PKNOX2: variants seen among roughly 807,000 people sequenced by gnomAD.
The protein encoded by PKNOX2 is homeobox protein PKNOX2.
In PKNOX2, 14 loss-of-function variants were observed where a neutral mutation model predicts 53.1. That is an observed-to-expected ratio of 0.26 (90% confidence interval 0.17 to 0.41). The LOEUF is 0.41. Ranked by LOEUF, PKNOX2 falls within the 10% of genes least tolerant of loss-of-function variation. PKNOX2 has a pLI of 1.00. For missense variants in PKNOX2, 496 were observed against 602.8 expected, an observed-to-expected ratio of 0.82 and a Z score of 1.85; for synonymous variants, 257 against 242.8, an observed-to-expected ratio of 1.06 and a Z score of -0.54.
intron 1 of PKNOX2, among the ~76,000 whole-genome samples, chr11:125,231,906 G>A (rs949839695): frequency 3.3e-5 from 5 of 152,244 alleles, no homozygotes; most frequent in Non-Finnish European, 4.4e-5. Context: ...ATCAGCCTTC[G>A]AATGCTGTTC....
intron 2 of PKNOX2, among the ~76,000 whole-genome samples, chr11:125,274,781 A>C (rs1296114480): frequency 6.6e-6 from 1 of 152,210 alleles, no homozygotes; most frequent in East Asian, 1.9e-4. Context: ...GAATGTTGGA[A>C]TAAATGGGAA....
intron 6 of PKNOX2, among the ~76,000 whole-genome samples, chr11:125,395,147 G>A (rs528917475): frequency 7.2e-5 from 11 of 152,214 alleles, no homozygotes; most frequent in South Asian, 4.1e-4. Context: ...TTTCAAAAAC[G>A]TTTTGTAAAT....
Position 125,352,563 on chromosome 11 carries a change from GC to G in PKNOX2, c.87+1173del, listed in dbSNP as rs1565504059. 6.6e-6 allele frequency among the ~76,000 whole-genome samples: 1 copy of G among 152,208 alleles called. No individual in the cohort carries two copies. Among genetic ancestry groups the G allele is most frequent in the African/African-American group, 2.4e-5 (1 of 41,460 alleles). On this transcript the variant is annotated intron_variant, in intron 4 of 12. Transcript: ENST00000298282. The surrounding 1 kb of genome is among the most constrained non-coding windows in gnomAD (Gnocchi z 4.1). The stretch of plus-strand genomic sequence containing the variant: ...GCTCACTATGGCCCTGATGCCTCCA[GC>G]CTAGTGGGAGCATGTAGTAGCTGCT...
intron 2 of PKNOX2, among the ~76,000 whole-genome samples, chr11:125,302,329 C>A (rs990476624): frequency 2.6e-5 from 4 of 152,228 alleles, no homozygotes; most frequent in Non-Finnish European, 4.4e-5. Context: ...CACTGACCAG[C>A]CATGATCTGA....
At chr11:125,170,720 C>G (rs1254567415) in intron 1 of PKNOX2, among the ~76,000 whole-genome samples, 1 of 152,178 alleles carries the variant, frequency 6.6e-6, no homozygotes, top group Non-Finnish European at 1.5e-5. Flanking sequence ...ATAAGAAACC[C>G]TAAACCAGGC....
chr11:125,221,046 T>G (rs915668950), intron 1 of PKNOX2, among the ~76,000 whole-genome samples: 1 of 152,134 alleles, frequency 6.6e-6, no homozygotes, highest in South Asian at 2.1e-4. Context: ...TCCCAGCTAC[T>G]TGGGAGGCAG....
intron 1 of PKNOX2, among the ~76,000 whole-genome samples, chr11:125,189,355 TTA>T (rs35103348): frequency 5.7e-5 from 7 of 122,274 alleles, no homozygotes; most frequent in South Asian, 2.8e-4. Context: ...GAAATTCTAA[TTA>T]TATATATATA....
intron 1 of PKNOX2, among the ~76,000 whole-genome samples, chr11:125,179,332 T>C (rs975720108): frequency 2.6e-5 from 4 of 152,022 alleles, no homozygotes; most frequent in African/African-American, 9.7e-5. Flanking sequence ...ACATACGAGC[T>C]TTGAGGAGAA....
At position 125,200,150 on chromosome 11, in the gene PKNOX2, G is replaced by C. The variant is rs572112104; in HGVS notation, c.-200-34895G>C. Among the ~76,000 whole-genome samples, 157 of 152,298 alleles carry C rather than the reference G, an allele frequency of 1.0e-3. 1 individual carries two copies. Among genetic ancestry groups the C allele is most frequent in the African/African-American group, 3.7e-3 (152 of 41,562 alleles). On this transcript the variant is annotated intron_variant, in intron 1 of 12. Transcript: ENST00000298282. ...AGCCTGGCTGCTGGCCTTTCCCCCAGATGGTAACCGGAGCAGGGACCAGAG... is the reference window on the plus strand; with the variant it reads ...AGCCTGGCTGCTGGCCTTTCCCCCACATGGTAACCGGAGCAGGGACCAGAG...
intron 1 of PKNOX2, among the ~76,000 whole-genome samples, chr11:125,195,881 A>G (rs1937614154): frequency 8.7e-6 from 1 of 114,540 alleles, no homozygotes; most frequent in South Asian, 2.8e-4. Context: ...GAATATGTAC[A>G]TGCACACACA....
chr11:125,188,723 A>G (rs1956603737), intron 1 of PKNOX2, among the ~76,000 whole-genome samples: 1 of 152,306 alleles, frequency 6.6e-6, no homozygotes, highest in Middle Eastern at 3.4e-3. Context: ...CTGCAGCCAC[A>G]GGTACTTGGA....
At chr11:125,231,216 C>A (rs1942180081) in intron 1 of PKNOX2, among the ~76,000 whole-genome samples, 1 of 152,164 alleles carries the variant, frequency 6.6e-6, no homozygotes, top group African/African-American at 2.4e-5. Flanking sequence ...TTTGCTAAAC[C>A]CCCAGCTAAT....
chr11:125,309,957 A>T (rs12284594), intron 2 of PKNOX2, among the ~76,000 whole-genome samples: 63 of 152,072 alleles, frequency 4.1e-4, no homozygotes, highest in African/African-American at 1.5e-3. Flanking sequence ...GGAGACAATC[A>T]CTCACCTAGC....
intron 2 of PKNOX2, chr11:125,288,214 G>A (rs1591513730): frequency 6.6e-6 from 1 of 152,368 alleles, no homozygotes; most frequent in African/African-American, 2.4e-5. Flanking sequence ...GAAATTAGGA[G>A]GGGCCTTAGA....
intron 10 of PKNOX2, among the ~76,000 whole-genome samples, chr11:125,421,597 A>G (rs1430978617): frequency 1.3e-5 from 2 of 152,212 alleles, no homozygotes; most frequent in African/African-American, 4.8e-5. Flanking sequence ...GCTACCTATG[A>G]TGAATAGGAT....
chr11:125,254,167 T>G (rs916744998), intron 2 of PKNOX2, among the ~76,000 whole-genome samples: 4 of 152,222 alleles, frequency 2.6e-5, no homozygotes, highest in Non-Finnish European at 5.9e-5. Flanking sequence ...AGCAAAAATT[T>G]AGCACCAGGG....
intron 2 of PKNOX2, among the ~76,000 whole-genome samples, chr11:125,315,567 AC>A (rs749069064): frequency 5.5e-4 from 83 of 152,062 alleles, no homozygotes; most frequent in Non-Finnish European, 9.3e-4. Context: ...CCTTTGCTCA[AC>A]CCCACCCCAG....
intron 1 of PKNOX2, among the ~76,000 whole-genome samples, chr11:125,172,445 C>G (rs570009424): frequency 2.0e-5 from 3 of 152,280 alleles, no homozygotes; most frequent in Admixed American, 6.5e-5. Context: ...GGCCCACATC[C>G]AGCCCTCTTC....
intron 1 of PKNOX2, among the ~76,000 whole-genome samples, chr11:125,198,156 C>T (rs1459302723): frequency 6.6e-6 from 1 of 152,212 alleles, no homozygotes; most frequent in African/African-American, 2.4e-5. Flanking sequence ...CTCACATCTA[C>T]TGACCAGAAA....
Sources: gnomAD v4.1 joint callset for allele counts (sites outside exome capture counted in the v4.1 genomes callset) on GRCh38, gnomAD v4.1.1 for gene constraint, Gnocchi (gnomAD v3.1) non-coding constraint, MANE v1.5 for transcripts, NCBI Gene and HGNC (gene_info 2026-07-23, HGNC 2026-07-21) for gene names.